Variants in EPHA5 observed in about 807,000 individuals in gnomAD.
The protein encoded by EPHA5 is EPH receptor A5.
Under a neutral mutation model 105.0 loss-of-function variants are expected in EPHA5, and 60 were observed. That is an observed-to-expected ratio of 0.57 (90% CI 0.46 to 0.71). The LOEUF (loss-of-function observed/expected upper bound fraction) is 0.71, where lower values mean the gene tolerates loss of function less well. Among genes scored for constraint, EPHA5 ranks in the 30% least tolerant of loss-of-function variants. The probability of loss-of-function intolerance (pLI) is 0.00; values close to 1 mark genes in which losing one functional copy is unlikely to be tolerated. For missense variants in EPHA5, 1,218 were observed against 1,274.7 expected, an observed-to-expected ratio of 0.96 and a Z score of 0.68; for synonymous variants, 513 against 449.1, an observed-to-expected ratio of 1.14 and a Z score of -1.80.
At chr4:65,419,858 C>T (rs542548729) in intron 6 of EPHA5, among the ~76,000 whole-genome samples, 3 of 152,168 alleles carry the variant, frequency 2.0e-5, no homozygotes, top group East Asian at 1.9e-4. Flanking sequence ...ACAGCTATTA[C>T]GGTAAAATGT....
intron 3 of EPHA5, among the ~76,000 whole-genome samples, chr4:65,497,367 T>G (rs1266635876): frequency 6.6e-6 from 1 of 152,148 alleles, no homozygotes; most frequent in East Asian, 1.9e-4. Flanking sequence ...GATCTAATTA[T>G]AGTGATAGTA....
chr4:65,462,219 C>T lies in EPHA5; in HGVS notation c.1402+28158G>A, dbSNP rs568244915. ...TAGGTTCAAATTCTGAATTCTTTACCTACTAGCTAAATACAAGTTTCTTAG... is the reference window on the plus strand; with the variant it reads ...TAGGTTCAAATTCTGAATTCTTTACTTACTAGCTAAATACAAGTTTCTTAG... On this transcript the variant is annotated intron_variant, in intron 5 of 16. Transcript: ENST00000613740. Among the ~76,000 whole-genome samples, 25 of 152,236 alleles carry T rather than the reference C, an allele frequency of 1.6e-4. 1 individual carries two copies. The highest frequency in any genetic ancestry group is 3.4e-3 in the Middle Eastern group (1 of 292).
chr4:65,424,418 T>C (rs1396989704), intron 5 of EPHA5, among the ~76,000 whole-genome samples: 2 of 152,098 alleles, frequency 1.3e-5, no homozygotes, highest in Non-Finnish European at 2.9e-5. Context: ...ATTCTGTTAG[T>C]TAGTTAACTT....
At chr4:65,542,297 C>T (rs1736918507) in intron 3 of EPHA5, among the ~76,000 whole-genome samples, 3 of 151,638 alleles carry the variant, frequency 2.0e-5, no homozygotes, top group Non-Finnish European at 4.4e-5. Context: ...AATCCAGGAG[C>T]TGGTTTTTGA....
chr4:65,344,753 A>G (rs557024814), intron 14 of EPHA5, among the ~76,000 whole-genome samples: 10 of 152,342 alleles, frequency 6.6e-5, no homozygotes, highest in African/African-American at 2.4e-4. Context: ...TTTGGCATTT[A>G]TCTGAAGAAT....
chr4:65,669,050 C>A (rs567841062), intron 1 of EPHA5, among the ~76,000 whole-genome samples: 1 of 152,154 alleles, frequency 6.6e-6, no homozygotes, highest in South Asian at 2.1e-4. Flanking sequence ...CAGCTCCCAG[C>A]AGGCACTTTC....
intron 3 of EPHA5, among the ~76,000 whole-genome samples, chr4:65,512,919 A>T (rs1359845888): frequency 6.6e-6 from 1 of 151,100 alleles, no homozygotes; most frequent in Non-Finnish European, 1.5e-5. Flanking sequence ...TGCTGGCAAA[A>T]TCTGGAAAAA....
intron 3 of EPHA5, among the ~76,000 whole-genome samples, chr4:65,513,552 A>G (rs1042499720): frequency 4.0e-5 from 6 of 151,892 alleles, no homozygotes; most frequent in African/African-American, 1.5e-4. Flanking sequence ...ACGCCCGACT[A>G]ATTTTTGTGA....
chr4:65,424,600 A>G (rs1032680981), intron 5 of EPHA5, among the ~76,000 whole-genome samples: 17 of 152,040 alleles, frequency 1.1e-4, no homozygotes, highest in East Asian at 3.8e-4. Context: ...GAAGTTTTCA[A>G]TGATGAATTT....
At chr4:65,465,726 A>G (rs1728656044) in intron 5 of EPHA5, among the ~76,000 whole-genome samples, 1 of 152,184 alleles carries the variant, frequency 6.6e-6, no homozygotes, top group African/African-American at 2.4e-5. Context: ...TTTCAATATG[A>G]GATAGCAGAT....
intron 11 of EPHA5, among the ~76,000 whole-genome samples, chr4:65,363,792 G>A (rs577146148): frequency 1.3e-5 from 2 of 151,398 alleles, no homozygotes; most frequent in Non-Finnish European, 3.0e-5. Flanking sequence ...TATCACAGAC[G>A]TTCTTTCAAG....
chr4:65,431,400 A>T (rs896864927), intron 5 of EPHA5, among the ~76,000 whole-genome samples: 1 of 152,188 alleles, frequency 6.6e-6, no homozygotes, highest in Non-Finnish European at 1.5e-5. Flanking sequence ...ATAACTTGTA[A>T]AAAGTAACAT....
chr4:65,491,455 AT>A (rs1243518995), intron 4 of EPHA5, among the ~76,000 whole-genome samples: 1 of 152,108 alleles, frequency 6.6e-6, no homozygotes, highest in African/African-American at 2.4e-5. Flanking sequence ...AAGCGTTCAG[AT>A]TTTGAAGGAT....
chr4:65,643,583 A>G (rs1747856877), intron 1 of EPHA5, among the ~76,000 whole-genome samples, 156 bp from the exon 2 acceptor site: 1 of 151,992 alleles, frequency 6.6e-6, no homozygotes, highest in Non-Finnish European at 1.5e-5. Flanking sequence ...AAGAAAATAT[A>G]TTGATGCAGG....
At chr4:65,487,614 A>T (rs947383763) in intron 5 of EPHA5, among the ~76,000 whole-genome samples, 1 of 152,156 alleles carries the variant, frequency 6.6e-6, no homozygotes, top group Non-Finnish European at 1.5e-5. Flanking sequence ...AAACTGGCTC[A>T]TTTGGTCTTG....
At chr4:65,349,957 T>C (rs1472839484) in intron 13 of EPHA5, among the ~76,000 whole-genome samples, 3 of 152,136 alleles carry the variant, frequency 2.0e-5, no homozygotes, top group African/African-American at 7.2e-5. Context: ...TCTCAGTGTA[T>C]AGATTTTCCA....
Position 65,669,569 on chromosome 4 carries a change from G to A in EPHA5, c.174C>T (p.Ser58=), listed in dbSNP as rs2149570598. 1 of 1,400,652 alleles carries A rather than the reference G, an allele frequency of 7.1e-7. No individual in the cohort carries two copies. Among genetic ancestry groups the A allele is most frequent in the Admixed American group, 2.8e-5 (1 of 36,180 alleles). 86.8% of individuals were successfully genotyped at this position (1,400,652 alleles called of 1,614,324 possible). The part of the protein sequence containing the change: ...AALRTLLASP[S]NEVNLLDSRT... ...CCACCCCCATCTCCCTACCTTCGTT[G>A]CTGGGGCTGGCCAGGAGGGTCCGGA... Residue 58 remains serine, a synonymous_variant, in exon 1 of 17, where the codon AGC becomes AGT. Coordinates refer to ENST00000613740, the MANE Select transcript of EPHA5 (RefSeq NM_001281766.3).
intron 2 of EPHA5, among the ~76,000 whole-genome samples, chr4:65,626,887 A>C (rs558159086): frequency 6.6e-6 from 1 of 152,338 alleles, no homozygotes; most frequent in Admixed American, 6.5e-5. Context: ...GTAAATTAAA[A>C]GGGAATTGAT....
chr4:65,322,166 T>C lies in EPHA5; in HGVS notation c.*1948A>G, dbSNP rs1352025401. The stretch of plus-strand genomic sequence containing the variant: ...TGTGTGGACCCATGGTATATAGCCC[T>C]TATTATTATGAGAACTGAATGTATT... On this transcript the variant is annotated 3_prime_UTR_variant, in exon 17 of 17. Coordinates refer to ENST00000613740, the MANE Select transcript of EPHA5 (RefSeq NM_001281766.3). 1.3e-5 allele frequency: 3 copies of C among 224,466 alleles called. No homozygotes were observed. Among genetic ancestry groups the C allele is most frequent in the African/African-American group, 6.7e-5 (3 of 44,862 alleles). The allele number at this position is 224,466 out of a possible 1,614,324, so 13.9% of individuals were successfully genotyped here.
Sources: allele counts gnomAD v4.1 joint callset (sites outside exome capture counted in the v4.1 genomes callset), GRCh38; gene constraint gnomAD v4.1.1; transcripts MANE v1.5; gene names NCBI Gene and HGNC (gene_info 2026-07-23, HGNC 2026-07-21).